TMEM131: variants seen among roughly 807,000 people sequenced by gnomAD.
TMEM131 encodes the protein transmembrane protein 131.
Under a neutral mutation model 211.6 loss-of-function variants are expected in TMEM131, and 66 were observed. The ratio of observed to expected loss-of-function variants is 0.31; its 90% CI spans 0.26 to 0.38. The LOEUF (loss-of-function observed/expected upper bound fraction) is 0.38. TMEM131 is among the 10% of genes least tolerant of loss of function. The pLI is 1.00. For synonymous variants in TMEM131, 844 were observed against 841.3 expected, an observed-to-expected ratio of 1.00 and a Z score of -0.06; for missense variants, 2,036 against 2,299.3, an observed-to-expected ratio of 0.89 and a Z score of 2.34.
intron 3 of TMEM131, among the ~76,000 whole-genome samples, chr2:97,905,955 A>G (rs1259850030): frequency 6.6e-6 from 1 of 152,198 alleles, no homozygotes; most frequent in Non-Finnish European, 1.5e-5. Context: ...ACCACTTCTG[A>G]TGAGGTTATA....
chr2:97,842,292 C>A (rs1426396358), intron 6 of TMEM131, among the ~76,000 whole-genome samples: 1 of 152,182 alleles, frequency 6.6e-6, no homozygotes, highest in Non-Finnish European at 1.5e-5. Flanking sequence ...ATACCAAGCC[C>A]AGCCCCAGGT....
chr2:97,809,138 A>C (rs1219465943), intron 19 of TMEM131, among the ~76,000 whole-genome samples: 1 of 152,184 alleles, frequency 6.6e-6, no homozygotes, highest in Non-Finnish European at 1.5e-5. Context: ...GTCTTCACTC[A>C]AAAACTTCAT....
chr2:97,841,911 T>A lies in TMEM131; in HGVS notation c.627A>T (p.Pro209=). ...YQVFGVGVPN[P]YRLRPFLGAR... ...CCCCAAGGAACGGCCTCAATCGATA[T>A]GGATTTGGAACTCCAACACCAAATA... The change falls in exon 7 of 41, where the codon CCA becomes CCT. Residue 209 remains proline, a synonymous_variant. Coordinates refer to ENST00000186436, the MANE Select transcript of TMEM131 (RefSeq NM_015348.2). The A allele has an allele frequency of 6.3e-7, 1 of 1,586,588 alleles. No homozygotes were observed.
At chr2:97,768,892 G>A (rs1386465013) in intron 33 of TMEM131, among the ~76,000 whole-genome samples, 2 of 143,886 alleles carry the variant, frequency 1.4e-5, no homozygotes, top group Admixed American at 1.6e-4. Context: ...GTGAGCCACC[G>A]TGCCCAGACT....
chr2:97,807,502 T>C (rs765702859), intron 19 of TMEM131, among the ~76,000 whole-genome samples: 6 of 152,226 alleles, frequency 3.9e-5, no homozygotes, highest in Non-Finnish European at 5.9e-5. Flanking sequence ...CCTTCCAATA[T>C]GAGTGGAAGC....
At chr2:97,815,137 C>A in intron 13 of TMEM131, 62 bp downstream of exon 13, 1 of 920,644 alleles carries the variant, frequency 1.1e-6, no homozygotes, top group Non-Finnish European at 1.5e-6. Context: ...GGTCATTTAG[C>A]AGGAAAATAT....
chr2:97,805,991 G>A (rs1341324215), intron 19 of TMEM131, among the ~76,000 whole-genome samples: 1 of 152,172 alleles, frequency 6.6e-6, no homozygotes, highest in African/African-American at 2.4e-5. Context: ...AAGATACTGA[G>A]GATGCCAACA....
At chr2:97,773,309 G>C (rs1679554498) in intron 32 of TMEM131, among the ~76,000 whole-genome samples, 1 of 152,196 alleles carries the variant, frequency 6.6e-6, no homozygotes, top group South Asian at 2.1e-4. Flanking sequence ...CCAGGCCATA[G>C]GATTACCAAG....
At chr2:97,918,814 G>A (rs1380759784) in intron 2 of TMEM131, among the ~76,000 whole-genome samples, 1 of 150,678 alleles carries the variant, frequency 6.6e-6, no homozygotes, top group Non-Finnish European at 1.5e-5. Context: ...GTTATCTACT[G>A]CTGCATAATA....
At chr2:97,913,295 T>C (rs1372047012) in intron 2 of TMEM131, among the ~76,000 whole-genome samples, 2 of 152,216 alleles carry the variant, frequency 1.3e-5, no homozygotes, top group Non-Finnish European at 1.5e-5. Flanking sequence ...CTCAATTTTA[T>C]AGAGATATCA....
Position 97,943,184 on chromosome 2 carries a change from G to A in TMEM131, c.188-15697C>T, listed in dbSNP as rs188491574. Among the ~76,000 whole-genome samples, 6 of 152,070 alleles carry A rather than the reference G, an allele frequency of 3.9e-5. No individual in the cohort carries two copies. The East Asian group carries it at 9.7e-4, about 24-fold the overall frequency. On this transcript the variant is annotated intron_variant, in intron 1 of 40. Transcript: ENST00000186436. Reference sequence around the variant, plus strand: ...GATTGCTTAAACCCAGAAGTCTGAAGTGACAGCGAGCTATGACTGTACCAC... The same window carrying A: ...GATTGCTTAAACCCAGAAGTCTGAAATGACAGCGAGCTATGACTGTACCAC...
intron 4 of TMEM131, among the ~76,000 whole-genome samples, chr2:97,873,469 A>G (rs753250459): frequency 9.2e-5 from 14 of 152,252 alleles, no homozygotes; most frequent in Non-Finnish European, 1.9e-4. Context: ...AACTCCCAGT[A>G]GGGGCCAACA....
chr2:97,910,423 C>T (rs1022849658), intron 2 of TMEM131, among the ~76,000 whole-genome samples: 1 of 152,150 alleles, frequency 6.6e-6, no homozygotes, highest in African/African-American at 2.4e-5. Flanking sequence ...AAAGATACTG[C>T]ATGAACCCAC....
At chr2:97,972,472 G>GAGGGAGGGAGGGA (rs1679344918) in intron 1 of TMEM131, among the ~76,000 whole-genome samples, 2 of 146,808 alleles carry the variant, frequency 1.4e-5, no homozygotes, top group Non-Finnish European at 3.0e-5. Flanking sequence ...GGGAAGGCGG[G>GAGGGAGGGAGGGA]CGGGAGGGAG....
chr2:97,849,104 A>G (rs538033255), intron 5 of TMEM131, among the ~76,000 whole-genome samples: 1 of 152,304 alleles, frequency 6.6e-6, no homozygotes, highest in South Asian at 2.1e-4. Flanking sequence ...AAAATGGCCT[A>G]ACACTGTACA....
intron 25 of TMEM131, among the ~76,000 whole-genome samples, chr2:97,801,296 C>T (rs1681024670): frequency 6.6e-6 from 1 of 152,208 alleles, no homozygotes; most frequent in South Asian, 2.1e-4. Flanking sequence ...GTGTTAAGTT[C>T]CCAACACACA....
At chr2:97,880,556 G>A (rs151324478) in intron 4 of TMEM131, among the ~76,000 whole-genome samples, 4 of 152,262 alleles carry the variant, frequency 2.6e-5, no homozygotes, top group South Asian at 2.1e-4. Context: ...GACAGGAAGG[G>A]GATGGAGTGC....
chr2:97,878,707 G>C (rs1674796931), intron 4 of TMEM131, among the ~76,000 whole-genome samples: 1 of 152,162 alleles, frequency 6.6e-6, no homozygotes, highest in South Asian at 2.1e-4. Flanking sequence ...GGGGCTGGGG[G>C]GCTAGAGGAG....
chr2:97,821,702 C>G (rs1682129526), intron 11 of TMEM131, among the ~76,000 whole-genome samples: 1 of 152,208 alleles, frequency 6.6e-6, no homozygotes, highest in African/African-American at 2.4e-5. Context: ...GGACCCCTTT[C>G]ACTTGCTATT....
Sources: allele counts gnomAD v4.1 joint callset (sites outside exome capture counted in the v4.1 genomes callset), GRCh38; gene constraint gnomAD v4.1.1; transcripts MANE v1.5; gene names NCBI Gene and HGNC (gene_info 2026-07-23, HGNC 2026-07-21).